The following ST8SIA1 variants were observed in gnomAD, a reference collection of about 807,000 sequenced individuals.
ST8SIA1 encodes ST8 alpha-N-acetyl-neuraminide alpha-2,8-sialyltransferase 1.
In ST8SIA1, 16 loss-of-function variants were observed where a neutral mutation model predicts 35.9. That is an observed-to-expected ratio of 0.45 (90% CI 0.30 to 0.68). The LOEUF is 0.68. Among genes scored for constraint, ST8SIA1 ranks in the 30% least tolerant of loss-of-function variants. ST8SIA1 has a pLI of 0.09. For synonymous variants in ST8SIA1, 170 were observed against 169.6 expected (o/e 1.00, Z -0.02); for missense variants, 383 against 453.6 (o/e 0.84, Z 1.41).
At chr12:22,242,039 C>A (rs1381412110) in intron 4 of ST8SIA1, among the ~76,000 whole-genome samples, 1 of 151,998 alleles carries the variant, frequency 6.6e-6, no homozygotes, top group Non-Finnish European at 1.5e-5. Flanking sequence ...CCTATTATCC[C>A]AAATATTATA....
At chr12:22,282,742 T>C (rs779804046) in intron 2 of ST8SIA1, among the ~76,000 whole-genome samples, 8 of 152,088 alleles carry the variant, frequency 5.3e-5, no homozygotes, top group Non-Finnish European at 8.8e-5. Flanking sequence ...GATGGAAGCC[T>C]AACAATAGAA....
intron 2 of ST8SIA1, among the ~76,000 whole-genome samples, chr12:22,275,142 T>C (rs1365490870): frequency 6.6e-6 from 1 of 151,906 alleles, no homozygotes; most frequent in Non-Finnish European, 1.5e-5. Flanking sequence ...CAAGAATTCA[T>C]CAGATAAGGA....
chr12:22,266,848 T>TATATACACACACAC (rs1555158440), intron 2 of ST8SIA1, among the ~76,000 whole-genome samples: 5 of 144,946 alleles, frequency 3.4e-5, no homozygotes, highest in African/African-American at 1.3e-4. Context: ...CACAAAAGTA[T>TATATACACACACAC]ACACACACAC....
chr12:22,334,221 G>T lies in ST8SIA1; in HGVS notation c.12C>A (p.Cys4Ter). The change falls in exon 1 of 5, where the codon TGC (cysteine) becomes TGA (stop). Residue 4 changes from cysteine (C) to a stop codon, truncating the protein, a stop_gained. Coordinates refer to ENST00000396037, the MANE Select transcript of ST8SIA1 (RefSeq NM_003034.4). LOFTEE classifies it high-confidence loss of function. ...TGGACGTTTGTCGCCGGGCCCGCCC[G>T]CAGGGGCTCATCGCAGCCCCGGCGT... is the stretch of plus-strand genomic sequence containing the variant. MSP[C>*]GRARRQTSRG... The T allele has an allele frequency of 6.2e-7, 1 of 1,611,744 alleles. No individual in the cohort carries two copies. The highest frequency in any genetic ancestry group is 8.5e-7 in the Non-Finnish European group (1 of 1,179,078).
chr12:22,282,399 C>G (rs892938848), intron 2 of ST8SIA1, among the ~76,000 whole-genome samples: 1 of 152,200 alleles, frequency 6.6e-6, no homozygotes, highest in African/African-American at 2.4e-5. Flanking sequence ...AGGCATTTGC[C>G]TAAAGCTGGA....
intron 4 of ST8SIA1, among the ~76,000 whole-genome samples, chr12:22,219,212 C>A (rs1209229012): frequency 2.0e-5 from 3 of 152,160 alleles, no homozygotes; most frequent in South Asian, 2.1e-4. Flanking sequence ...ATTAAAAGTT[C>A]TTGCCAGTAA....
chr12:22,302,154 T>C (rs1434689254), intron 1 of ST8SIA1, among the ~76,000 whole-genome samples: 2 of 152,180 alleles, frequency 1.3e-5, no homozygotes, highest in Non-Finnish European at 2.9e-5. Context: ...TTTTTCAATT[T>C]TTATTATTTT....
intron 1 of ST8SIA1, chr12:22,326,025 T>C: frequency 2.1e-6 from 1 of 475,752 alleles, no homozygotes; most frequent in South Asian, 4.2e-5. Context: ...AATTTAAAAC[T>C]TATGAATTGT....
At chr12:22,211,069 C>G (rs1456118897) in intron 4 of ST8SIA1, among the ~76,000 whole-genome samples, 1 of 152,174 alleles carries the variant, frequency 6.6e-6, no homozygotes, top group South Asian at 2.1e-4. Context: ...CTGCCTGATT[C>G]ATGAGTCTTT....
At chr12:22,240,633 TA>T (rs2120725389) in intron 4 of ST8SIA1, among the ~76,000 whole-genome samples, 1 of 152,316 alleles carries the variant, frequency 6.6e-6, no homozygotes, top group East Asian at 1.9e-4. Flanking sequence ...TACACAATTT[TA>T]AAGATAAATT....
intron 4 of ST8SIA1, among the ~76,000 whole-genome samples, chr12:22,226,697 C>T (rs1422320108): frequency 6.6e-6 from 1 of 151,938 alleles, no homozygotes; most frequent in Admixed American, 6.6e-5. Context: ...TTACTTTCTG[C>T]ACTGTAACTC....
chr12:22,308,525 A>G (rs754916803), intron 1 of ST8SIA1, among the ~76,000 whole-genome samples: 20 of 152,204 alleles, frequency 1.3e-4, no homozygotes, highest in Non-Finnish European at 4.4e-5. Flanking sequence ...CAACTAAATT[A>G]AAGAAAAATT....
intron 1 of ST8SIA1, among the ~76,000 whole-genome samples, chr12:22,295,583 A>T (rs530576230): frequency 2.0e-5 from 3 of 152,016 alleles, no homozygotes; most frequent in Non-Finnish European, 4.4e-5. Flanking sequence ...AAAAATTTTT[A>T]ATTAGCCTGA....
At chr12:22,251,187 A>G (rs1298881719) in intron 3 of ST8SIA1, among the ~76,000 whole-genome samples, 1 of 152,250 alleles carries the variant, frequency 6.6e-6, no homozygotes, top group Non-Finnish European at 1.5e-5. Context: ...CCTTGGAAGC[A>G]GGTGAGAATC....
intron 1 of ST8SIA1, among the ~76,000 whole-genome samples, chr12:22,312,582 T>G (rs772007813): frequency 2.0e-5 from 3 of 152,122 alleles, no homozygotes; most frequent in African/African-American, 7.2e-5. Flanking sequence ...ATCATTAGTG[T>G]TATGGGGACT....
chr12:22,251,665 A>C (rs1477491815), intron 3 of ST8SIA1, among the ~76,000 whole-genome samples: 1 of 152,208 alleles, frequency 6.6e-6, no homozygotes, highest in Non-Finnish European at 1.5e-5. Context: ...AATAAGGCAT[A>C]ATTGTGGTGT....
In ST8SIA1 at chr12:22,200,905, G is replaced by A. The variant is rs141471869; in HGVS notation, c.*647C>T. The A allele has an allele frequency of 3.7e-3, 568 of 151,958 alleles. 4 individuals carry two copies. The highest frequency in any genetic ancestry group is 0.013 in the African/African-American group (547 of 41,434). The allele number at this position is 151,958 out of a possible 1,614,324, so 9.4% of individuals were successfully genotyped here. ...CAATAATGCTTCACATTGTCTCTGT[G>A]GACTTGACAAAAGAGGAAGAAGCAA... On this transcript the variant is annotated 3_prime_UTR_variant, in exon 5 of 5. Coordinates refer to ENST00000396037, the MANE Select transcript of ST8SIA1 (RefSeq NM_003034.4).
chr12:22,213,113 C>A (rs929014163), intron 4 of ST8SIA1, among the ~76,000 whole-genome samples: 7 of 152,146 alleles, frequency 4.6e-5, no homozygotes, highest in African/African-American at 1.7e-4. Flanking sequence ...GAAACTGACT[C>A]GGGACATGAA....
Position 22,202,045 on chromosome 12 carries a change from A to C in ST8SIA1, c.585-7T>G. 6.4e-7 allele frequency: 1 copy of C among 1,558,832 alleles called. No homozygotes were observed. The highest frequency in any genetic ancestry group is 8.6e-7 in the Non-Finnish European group (1 of 1,161,904). On this transcript the variant is annotated splice_polypyrimidine_tract_variant and splice_region_variant and intron_variant, in intron 4 of 4. Coordinates refer to ENST00000396037, the MANE Select transcript of ST8SIA1 (RefSeq NM_003034.4). ...CCACAGAAGGTTCTGAAACCTATTGAAGAAAAAAAAAACTGTTCAATTAAA... is the reference window on the plus strand; with the variant it reads ...CCACAGAAGGTTCTGAAACCTATTGCAGAAAAAAAAAACTGTTCAATTAAA...
Sources: gnomAD v4.1 joint callset for allele counts (sites outside exome capture counted in the v4.1 genomes callset) on GRCh38, gnomAD v4.1.1 for gene constraint, MANE v1.5 for transcripts, NCBI Gene and HGNC (gene_info 2026-07-23, HGNC 2026-07-21) for gene names.